SPTAN1: variants seen among roughly 807,000 people sequenced by gnomAD.
SPTAN1 encodes spectrin alpha chain, non-erythrocytic 1.
In SPTAN1, 61 loss-of-function variants were observed where a neutral mutation model predicts 331.3. The observed-to-expected ratio is 0.18, with a 90% CI of 0.15 to 0.23. SPTAN1 has a LOEUF of 0.23. Among genes scored for constraint, SPTAN1 ranks in the 10% least tolerant of loss-of-function variants. SPTAN1 has a pLI of 1.00. For synonymous variants in SPTAN1, 1,153 were observed against 1,173.9 expected, an observed-to-expected ratio of 0.98 and a Z score of 0.36; for missense variants, 2,043 against 3,147.9, an observed-to-expected ratio of 0.65 and a Z score of 8.40.
chr9:128,595,161 G>A (rs1854103825), intron 24 of SPTAN1, among the ~76,000 whole-genome samples: 1 of 151,994 alleles, frequency 6.6e-6, no homozygotes, highest in African/African-American at 2.4e-5. Flanking sequence ...CCAGGCTAGA[G>A]TACAGTGGCT....
At chr9:128,571,955 C>G (rs1463163990) in intron 3 of SPTAN1, among the ~76,000 whole-genome samples, 1 of 152,222 alleles carries the variant, frequency 6.6e-6, no homozygotes, top group Non-Finnish European at 1.5e-5. Context: ...CCACCAGGCT[C>G]AAGTGGTTCA....
At chr9:128,605,973 C>A (rs1160296687) in intron 31 of SPTAN1, among the ~76,000 whole-genome samples, 5 of 132,472 alleles carry the variant, frequency 3.8e-5, no homozygotes, top group African/African-American at 1.4e-4. Context: ...GCCCGGGCAA[C>A]AAGAGTGAAA....
At chr9:128,593,603 TACTC>T (rs1291292441) in intron 23 of SPTAN1, 1 of 197,840 alleles carries the variant, frequency 5.1e-6, no homozygotes, top group African/African-American at 2.3e-5. Flanking sequence ...ATGGCACAGA[TACTC>T]AGTACTGTGC....
In SPTAN1 at chr9:128,604,959, T is replaced by A. The variant is rs149024655; in HGVS notation, c.3720-75T>A. ...GTAAATAAATAAATAAATAAATAAA[T>A]AAATTTTTTTTAGTGTCCTGTAATC... On this transcript the variant is annotated intron_variant, in intron 29 of 56. Transcript: ENST00000372739. The A allele has an allele frequency of 3.9e-5, 55 of 1,419,692 alleles. No homozygotes were observed. In the African/African-American group the frequency reaches 7.6e-4, roughly 20 times the overall value. 87.9% of individuals were successfully genotyped at this position (1,419,692 alleles called of 1,614,324 possible). A position where few individuals can be genotyped will look rare whatever the true frequency, so the allele number is the denominator to read the frequency against.
At chr9:128,623,239 CTT>C (rs879242470) in intron 45 of SPTAN1, among the ~76,000 whole-genome samples, 2 of 139,962 alleles carry the variant, frequency 1.4e-5, no homozygotes, top group Non-Finnish European at 3.1e-5. Context: ...TTCTTTTTTT[CTT>C]TTTTTTTTTT....
At chr9:128,586,547 A>G (rs1356811594) in intron 19 of SPTAN1, among the ~76,000 whole-genome samples, 1 of 152,158 alleles carries the variant, frequency 6.6e-6, no homozygotes, top group Non-Finnish European at 1.5e-5. Flanking sequence ...ATGTGAAACC[A>G]TATGTGTGCT....
At chr9:128,608,091 A>G (rs1461321292) in intron 33 of SPTAN1, 39 bp from the exon 34 acceptor site, 1 of 1,614,124 alleles carries the variant, frequency 6.2e-7, no homozygotes, top group Non-Finnish European at 8.5e-7. Context: ...TTCCTTGCTG[A>G]AGGGCCTCAT....
At chr9:128,586,058 G>T in intron 19 of SPTAN1, 93 bp downstream of exon 19, 1 of 1,039,550 alleles carries the variant, frequency 9.6e-7, no homozygotes, top group East Asian at 2.5e-5. Flanking sequence ...TGCGCGGGAG[G>T]TGTGCATTAC....
chr9:128,585,665 AAC>A, intron 18 of SPTAN1, 81 bp from the exon 19 acceptor site: 1 of 1,164,936 alleles, frequency 8.6e-7, no homozygotes, highest in Non-Finnish European at 1.3e-6. Context: ...AAGTGCCGTG[AAC>A]ACACAGAGAA....
chr9:128,609,155 A>G lies in SPTAN1; in HGVS notation c.4629A>G (p.Lys1543=). The G allele has an allele frequency of 1.2e-6, 2 of 1,614,210 alleles. No homozygotes were observed. Among genetic ancestry groups the G allele is most frequent in the African/African-American group, 1.3e-5 (1 of 75,040 alleles). The change falls in exon 36 of 57, where the codon AAA becomes AAG. Residue 1543 remains lysine (K), a synonymous_variant. Transcript: ENST00000372739. ...GTCTGAAAGCCCAGATGATTGAGAA[A>G]AGGTCAAAGCTAGGAGAATCTCAAA... ...WRRLKAQMIE[K]RSKLGESQTL... is the part of the protein sequence containing the mutation.
chr9:128,605,554 A>C lies in SPTAN1; in HGVS notation c.4046+77A>C, dbSNP rs1047581425. 8 of 1,563,164 alleles carry C rather than the reference A, an allele frequency of 5.1e-6. No homozygotes were observed. The East Asian group carries it at 1.8e-4, about 36-fold the overall frequency. On this transcript the variant is annotated intron_variant, in intron 31 of 56. Transcript: ENST00000372739. ...GGGTCATTTTTATTGTGAAAATAGT[A>C]CATGCTCAGCAGGGTACAATGGCTC...
At chr9:128,603,648 C>G (rs757222917) in intron 28 of SPTAN1, 58 bp downstream of exon 28, 11 of 1,590,114 alleles carry the variant, frequency 6.9e-6, no homozygotes, top group Non-Finnish European at 8.6e-6. Flanking sequence ...TATCTTCCTT[C>G]CCTGTCTACA....
At chr9:128,591,746 C>T (rs1027692162) in intron 22 of SPTAN1, 121 bp downstream of exon 22, 6 of 1,251,098 alleles carry the variant, frequency 4.8e-6, no homozygotes, top group Non-Finnish European at 6.7e-6. Context: ...CTCCTGCTGT[C>T]TCCACCCCAC....
chr9:128,591,453 C>T, intron 21 of SPTAN1, 24 bp from the exon 22 acceptor site: 1 of 1,613,900 alleles, frequency 6.2e-7, no homozygotes, highest in Non-Finnish European at 8.5e-7. Flanking sequence ...AATTTACTTT[C>T]AGTTCTCCCT....
intron 18 of SPTAN1, among the ~76,000 whole-genome samples, chr9:128,585,459 C>T (rs1042198643): frequency 2.6e-5 from 4 of 152,114 alleles, no homozygotes; most frequent in Non-Finnish European, 2.9e-5. Flanking sequence ...AGTAACTGAG[C>T]GCTACAGTGG....
intron 24 of SPTAN1, among the ~76,000 whole-genome samples, chr9:128,597,726 G>GTAAC (rs1330428899): frequency 6.6e-6 from 1 of 152,194 alleles, no homozygotes; most frequent in East Asian, 1.9e-4. Context: ...TTGGCTCACT[G>GTAAC]TAACCTCTGC....
chr9:128,566,611 C>A, intron 1 of SPTAN1, 127 bp from the exon 2 acceptor site: 2 of 1,385,374 alleles, frequency 1.4e-6, no homozygotes, highest in Non-Finnish European at 2.0e-6. Flanking sequence ...TAAGAAGGGG[C>A]TGTCTTCTCA....
intron 3 of SPTAN1, among the ~76,000 whole-genome samples, chr9:128,573,015 C>A (rs1850907568): frequency 6.6e-6 from 1 of 152,208 alleles, no homozygotes; most frequent in African/African-American, 2.4e-5. Context: ...CCCATGTTGA[C>A]TGTCACATGG....
chr9:128,609,319 A>C, intron 36 of SPTAN1, 35 bp downstream of exon 36: 1 of 1,614,038 alleles, frequency 6.2e-7, no homozygotes, highest in South Asian at 1.1e-5. Flanking sequence ...GTCTTGATGT[A>C]GCCTTATGTT....
Sources: allele counts gnomAD v4.1 joint callset (sites outside exome capture counted in the v4.1 genomes callset), GRCh38; gene constraint gnomAD v4.1.1; transcripts MANE v1.5; gene names NCBI Gene and HGNC (gene_info 2026-07-23, HGNC 2026-07-21).